Variants in DLGAP2 observed in about 807,000 individuals in gnomAD.
The protein encoded by DLGAP2 is DLG associated protein 2, also known as disks large-associated protein 2.
In DLGAP2, 26 loss-of-function variants were observed where a neutral mutation model predicts 100.3. The observed-to-expected ratio is 0.26, with a 90% confidence interval of 0.19 to 0.36. The LOEUF is 0.36. Among genes scored for constraint, DLGAP2 ranks in the 10% least tolerant of loss-of-function variants. The pLI, the probability that DLGAP2 is intolerant of heterozygous loss-of-function variation, is 1.00. For synonymous variants in DLGAP2, 886 were observed against 630.1 expected, an observed-to-expected ratio of 1.41 and a Z score of -6.08; for missense variants, 1,858 against 1,453.2, an observed-to-expected ratio of 1.28 and a Z score of -4.53.
intron 3 of DLGAP2, among the ~76,000 whole-genome samples, chr8:1,434,001 G>T (rs994363319): frequency 1.3e-5 from 2 of 152,016 alleles, no homozygotes; most frequent in African/African-American, 4.8e-5. Flanking sequence ...AAGGGACTTG[G>T]GCATCTCACT....
At chr8:1,344,171 G>GTGGGTCCGTGTACTGT (rs1801498787) in intron 3 of DLGAP2, among the ~76,000 whole-genome samples, 2 of 126,236 alleles carry the variant, frequency 1.6e-5, no homozygotes, top group African/African-American at 2.7e-5. Flanking sequence ...CTTTGTACTC[G>GTGGGTCCGTGTACTGT]GGGCGCTGTC....
chr8:1,392,551 C>T (rs1007589156), intron 3 of DLGAP2, among the ~76,000 whole-genome samples: 2 of 152,182 alleles, frequency 1.3e-5, no homozygotes, highest in African/African-American at 2.4e-5. Flanking sequence ...GCAAATAGAC[C>T]TTGTCCGAAA....
chr8:1,373,699 G>A (rs1802311147), intron 3 of DLGAP2: 1 of 152,234 alleles, frequency 6.6e-6, no homozygotes, highest in South Asian at 2.1e-4. Flanking sequence ...CCACCAACTA[G>A]GAGCTTAATC....
intron 1 of DLGAP2, chr8:754,294 GTTCTGTTCC>G (rs1187518495): frequency 7.9e-5 from 12 of 152,172 alleles, no homozygotes; most frequent in Admixed American, 7.9e-4. Flanking sequence ...CTGACACACG[GTTCTGTTCC>G]ACACTGACAT....
chr8:1,452,541 A>G (rs1256072586), intron 3 of DLGAP2, among the ~76,000 whole-genome samples: 1 of 152,188 alleles, frequency 6.6e-6, no homozygotes, highest in Non-Finnish European at 1.5e-5. Context: ...CGCTCCGGGG[A>G]GAGCTGGAGG....
intron 2 of DLGAP2, among the ~76,000 whole-genome samples, chr8:916,771 T>C (rs1215246011): frequency 6.6e-6 from 1 of 152,202 alleles, no homozygotes; most frequent in Non-Finnish European, 1.5e-5. Context: ...GGCAAATGGC[T>C]GATTTGTTGG....
chr8:1,101,145 T>C (rs1271660734), intron 2 of DLGAP2, among the ~76,000 whole-genome samples: 1 of 152,226 alleles, frequency 6.6e-6, no homozygotes, highest in African/African-American at 2.4e-5. Flanking sequence ...CTGATGGGCA[T>C]GGCAGACGCA....
Position 770,383 on chromosome 8 carries a change from T to C in DLGAP2, c.18+32558T>C, listed in dbSNP as rs1233376378. ...TCTGGGTTATTTAATCACAGGTCCA[T>C]GCTATGCCAGTTTGTCTGTGACTTA... is the stretch of plus-strand genomic sequence containing the variant. On this transcript the variant is annotated intron_variant, in intron 1 of 14. Coordinates refer to ENST00000637795, the MANE Select transcript of DLGAP2 (RefSeq NM_001346810.2). Among the ~76,000 whole-genome samples, 2 of 152,202 alleles carry C rather than the reference T, an allele frequency of 1.3e-5. 1 individual carries two copies. The highest frequency in any genetic ancestry group is 2.9e-5 in the Non-Finnish European group (2 of 68,030).
intron 2 of DLGAP2, among the ~76,000 whole-genome samples, chr8:1,067,051 C>G (rs1369773346): frequency 2.0e-5 from 3 of 152,138 alleles, no homozygotes; most frequent in Non-Finnish European, 4.4e-5. Flanking sequence ...AGGGGTTGGT[C>G]TCCTTCCCTC....
intron 2 of DLGAP2, among the ~76,000 whole-genome samples, chr8:1,165,213 A>G (rs1163625472): frequency 2.0e-4 from 16 of 81,408 alleles, no homozygotes; most frequent in African/African-American, 9.8e-4. Context: ...AGAGGGGGAG[A>G]TGGGGGGGCG....
At chr8:1,095,673 C>T (rs188398977) in intron 2 of DLGAP2, among the ~76,000 whole-genome samples, 10 of 152,304 alleles carry the variant, frequency 6.6e-5, no homozygotes, top group South Asian at 2.1e-4. Flanking sequence ...GTGTTATTGT[C>T]GGCTTTATCA....
In DLGAP2 at chr8:1,549,572, G is replaced by C. The variant is rs774894552; in HGVS notation, c.1119G>C (p.Thr373=). 2 of 1,612,670 alleles carry C rather than the reference G, an allele frequency of 1.2e-6. No homozygotes were observed. Among genetic ancestry groups the C allele is most frequent in the East Asian group, 2.2e-5 (1 of 44,866 alleles). ...ACCTGAAGCGCAGCTCCTGGTCTAC[G>C]CTGACGGTCAGCCAGGCCAAGGAGG... is the stretch of plus-strand genomic sequence containing the variant. ...AKYLKRSSWS[T]LTVSQAKEAY... is the part of the protein sequence containing the mutation. Residue 373 remains threonine, a synonymous_variant, in exon 5 of 15, where the codon ACG becomes ACC. Transcript: ENST00000637795.
At chr8:1,315,431 G>T (rs1383231219) in intron 3 of DLGAP2, among the ~76,000 whole-genome samples, 6 of 142,744 alleles carry the variant, frequency 4.2e-5, no homozygotes, top group Non-Finnish European at 7.5e-5. Flanking sequence ...AATAGAGCGT[G>T]TGCGAGTGCA....
At chr8:1,546,855 G>T (rs1000126786) in intron 4 of DLGAP2, among the ~76,000 whole-genome samples, 10 of 152,134 alleles carry the variant, frequency 6.6e-5, no homozygotes, top group Admixed American at 6.5e-5. Flanking sequence ...GCAGGAATTC[G>T]TTCCGGGATC....
chr8:1,105,358 C>A (rs1449486653), intron 2 of DLGAP2, among the ~76,000 whole-genome samples: 2 of 152,182 alleles, frequency 1.3e-5, no homozygotes, highest in African/African-American at 2.4e-5. Flanking sequence ...TAACCTTGTT[C>A]TGCCTGAAGG....
At chr8:759,612 C>A (rs1043312786) in intron 1 of DLGAP2, among the ~76,000 whole-genome samples, 5 of 152,136 alleles carry the variant, frequency 3.3e-5, no homozygotes, top group Non-Finnish European at 5.9e-5. Context: ...CTGCACGTTC[C>A]CGGGACTGGG....
intron 2 of DLGAP2, among the ~76,000 whole-genome samples, chr8:940,549 T>G (rs1799172383): frequency 6.6e-6 from 1 of 152,112 alleles, no homozygotes. Context: ...GTCCATGACA[T>G]GCGGTCAGAG....
chr8:965,344 A>T (rs13279587), intron 2 of DLGAP2, among the ~76,000 whole-genome samples: 130 of 74,714 alleles, frequency 1.7e-3, no homozygotes, highest in African/African-American at 6.4e-3. Flanking sequence ...ACTGTTCACC[A>T]CACAGGGCTC....
chr8:1,315,660 C>G (rs544148236), intron 3 of DLGAP2, among the ~76,000 whole-genome samples: 6 of 119,514 alleles, frequency 5.0e-5, no homozygotes, highest in African/African-American at 2.0e-4. Context: ...CAGCGTCTCT[C>G]CAACAGTGGT....
Sources: gnomAD v4.1 joint callset for allele counts (sites outside exome capture counted in the v4.1 genomes callset) on GRCh38, gnomAD v4.1.1 for gene constraint, MANE v1.5 for transcripts, NCBI Gene and HGNC (gene_info 2026-07-23, HGNC 2026-07-21) for gene names.